B4GALT1: variants seen among roughly 807,000 people sequenced by gnomAD.
B4GALT1 encodes beta-1,4-galactosyltransferase 1, also known as N-acetyllactosamine synthase.
A neutral mutation model predicts 34.9 loss-of-function variants in B4GALT1; 16 were observed. The observed-to-expected ratio is 0.46, with a 90% CI of 0.31 to 0.70. B4GALT1 has a LOEUF of 0.70. Among genes scored for constraint, B4GALT1 ranks in the 30% least tolerant of loss-of-function variants. The probability of loss-of-function intolerance (pLI) is 0.05; values close to 1 mark genes in which losing one functional copy is unlikely to be tolerated. For missense variants in B4GALT1, 445 were observed against 530.5 expected (o/e 0.84, Z 1.58); for synonymous variants, 221 against 218.1 (o/e 1.01, Z -0.12).
chr9:33,145,818 A>T (rs1234345018), intron 1 of B4GALT1, among the ~76,000 whole-genome samples: 3 of 152,216 alleles, frequency 2.0e-5, no homozygotes, highest in Admixed American at 6.5e-5. Context: ...TCTGTCTCAG[A>T]ATCTTTTCCA....
intron 1 of B4GALT1, among the ~76,000 whole-genome samples, chr9:33,162,012 G>C (rs1213258385): frequency 1.4e-4 from 22 of 152,208 alleles, no homozygotes. Context: ...TCTGTGGAAA[G>C]CTTGGACTGC....
intron 2 of B4GALT1, among the ~76,000 whole-genome samples, chr9:33,123,153 C>T (rs942747150): frequency 2.0e-5 from 3 of 152,004 alleles, no homozygotes; most frequent in Admixed American, 2.0e-4. Flanking sequence ...TGGCGGGCGC[C>T]TGGATTCCTA....
At chr9:33,148,006 T>C (rs1054759879) in intron 1 of B4GALT1, among the ~76,000 whole-genome samples, 1 of 151,974 alleles carries the variant, frequency 6.6e-6, no homozygotes, top group Non-Finnish European at 1.5e-5. Flanking sequence ...TGCACTCCAG[T>C]CTGGGTGACA....
intron 1 of B4GALT1, among the ~76,000 whole-genome samples, chr9:33,150,935 TTATTG>T (rs1840508313): frequency 1.3e-5 from 2 of 151,756 alleles, no homozygotes; most frequent in Non-Finnish European, 1.5e-5. Context: ...CCAATGATGA[TTATTG>T]GCCATGAAAG....
chr9:33,182,104 ACGCTC>A, the B4GALT1 span, among the ~76,000 whole-genome samples: 1 of 152,046 alleles, frequency 6.6e-6, no homozygotes, highest in African/African-American at 2.4e-5. Flanking sequence ...CAGGCTGGAT[ACGCTC>A]CTTCTGAAAA....
intron 2 of B4GALT1, among the ~76,000 whole-genome samples, chr9:33,121,973 G>A (rs747481590): frequency 3.9e-5 from 6 of 152,050 alleles, no homozygotes; most frequent in African/African-American, 7.2e-5. Context: ...ACATTGCCAC[G>A]CCTCACTCTC....
chr9:33,161,959 T>C (rs748390606), intron 1 of B4GALT1, among the ~76,000 whole-genome samples: 2 of 152,166 alleles, frequency 1.3e-5, no homozygotes, highest in Non-Finnish European at 2.9e-5. Context: ...GGGATGAGCC[T>C]GCCGGCCCTG....
the B4GALT1 span, among the ~76,000 whole-genome samples, chr9:33,184,950 A>G: frequency 6.6e-6 from 1 of 152,216 alleles, no homozygotes; most frequent in African/African-American, 2.4e-5. Flanking sequence ...CTACCAGTTC[A>G]GGAAACATAT....
Position 33,113,375 on chromosome 9 carries a change from G to T in B4GALT1, c.*79C>A. 6.2e-7 allele frequency: 1 copy of T among 1,602,992 alleles called. No individual in the cohort carries two copies. Among genetic ancestry groups the T allele is most frequent in the South Asian group, 1.1e-5 (1 of 90,474 alleles). ...CACTCAGACTGGTAAAAATGAGAGG[G>T]ACCAGCCCAGCAGATTGGCAGAGAC... On this transcript the variant is annotated 3_prime_UTR_variant, in exon 6 of 6. Transcript: ENST00000379731.
At position 33,135,259 on chromosome 9, in the gene B4GALT1, T is replaced by C. The variant is rs989665605; in HGVS notation, c.578A>G (p.Tyr193Cys). 30 of 1,614,078 alleles carry C rather than the reference T, an allele frequency of 1.9e-5. No individual in the cohort carries two copies. Among genetic ancestry groups the C allele is most frequent in the Non-Finnish European group, 2.5e-5 (29 of 1,180,048 alleles). ...GACTGGGTGCAAATAATATAGCCAG[T>C]ACTTGAGGTGCTCCTGCCGGTTGCG... ...PFRNRQEHLK[Y>C]WLYYLHPVLQ... Residue 193 changes from tyrosine to cysteine, a missense_variant, in exon 2 of 6, where the codon TAC becomes TGC. This residue lies in a region of B4GALT1 where 349 missense variants were observed against 395.5 expected (regional missense o/e 0.88). Coordinates refer to ENST00000379731, the MANE Select transcript of B4GALT1 (RefSeq NM_001497.4).
intron 1 of B4GALT1, among the ~76,000 whole-genome samples, chr9:33,156,839 C>A (rs1349870661): frequency 2.6e-5 from 4 of 152,112 alleles, no homozygotes; most frequent in Non-Finnish European, 4.4e-5. Flanking sequence ...GTTTTTAAAG[C>A]CAGAGCCTGC....
the B4GALT1 span, chr9:33,179,951 T>C: frequency 6.6e-6 from 1 of 152,246 alleles, no homozygotes; most frequent in African/African-American, 2.4e-5. Context: ...AGTTTGTTCC[T>C]TGGAGCCAGA....
intron 1 of B4GALT1, among the ~76,000 whole-genome samples, chr9:33,161,941 G>A (rs978720204): frequency 3.9e-5 from 6 of 152,202 alleles, no homozygotes; most frequent in East Asian, 1.9e-4. Flanking sequence ...GCCCAGCTGA[G>A]TGCAAAGGGG....
At chr9:33,183,108 A>G in the B4GALT1 span, among the ~76,000 whole-genome samples, 1 of 152,186 alleles carries the variant, frequency 6.6e-6, no homozygotes. Flanking sequence ...AAAATTCATA[A>G]GTTTTAAATT....
intron 1 of B4GALT1, among the ~76,000 whole-genome samples, chr9:33,163,664 T>C (rs546605941): frequency 6.6e-6 from 1 of 152,280 alleles, no homozygotes; most frequent in South Asian, 2.1e-4. Context: ...GAGATAAACA[T>C]GACGGGGGAA....
the B4GALT1 span, among the ~76,000 whole-genome samples, chr9:33,173,959 G>A: frequency 6.6e-6 from 1 of 152,076 alleles, no homozygotes; most frequent in Admixed American, 6.6e-5. Context: ...TAAACTATGA[G>A]TCCATAATGA....
chr9:33,168,711 C>T (rs1295843097), upstream of B4GALT1, among the ~76,000 whole-genome samples: 2 of 152,322 alleles, frequency 1.3e-5, no homozygotes, highest in Middle Eastern at 3.4e-3. Flanking sequence ...AGCCATAGTC[C>T]ATGATGTTCT....
rs763310335 is a variant in B4GALT1, at chr9:33,167,219, CCCGCCCGCGGG to C, written c.-61_-51del. On this transcript the variant is annotated 5_prime_UTR_variant, in exon 1 of 6. Coordinates refer to ENST00000379731, the MANE Select transcript of B4GALT1 (RefSeq NM_001497.4). Reference sequence around the variant, plus strand: ...GTGTGGGCTACAGGAGGGGAGGCGACCCGCCCGCGGGCCGCCCGCCAGGCGCTGCCCCACAG... The same window carrying C: ...GTGTGGGCTACAGGAGGGGAGGCGACCCGCCCGCCAGGCGCTGCCCCACAG... The C allele has an allele frequency of 5.4e-6, 8 of 1,485,302 alleles. No homozygotes were observed. The South Asian group carries it at 1.1e-4, about 20-fold the overall frequency. 92.0% of individuals were successfully genotyped at this position (1,485,302 alleles called of 1,614,324 possible).
upstream of B4GALT1, among the ~76,000 whole-genome samples, chr9:33,168,464 C>G (rs1426068326): frequency 3.9e-5 from 6 of 152,202 alleles, no homozygotes; most frequent in Non-Finnish European, 8.8e-5. Flanking sequence ...ATAACAGTAG[C>G]TACCTTATTT....
Sources: gnomAD v4.1 joint callset for allele counts (sites outside exome capture counted in the v4.1 genomes callset) on GRCh38, gnomAD v4.1.1 for gene constraint, gnomAD v4.1.1 regional missense constraint, MANE v1.5 for transcripts, NCBI Gene and HGNC (gene_info 2026-07-23, HGNC 2026-07-21) for gene names.